The following CENPW variants were observed in gnomAD, a reference collection of about 807,000 sequenced individuals.
CENPW encodes the protein centromere protein W.
In CENPW, 3 loss-of-function variants were observed where a neutral mutation model predicts 11.1. The observed-to-expected ratio is 0.27, with a 90% CI of 0.12 to 0.70. The LOEUF (loss-of-function observed/expected upper bound fraction) is 0.70, where lower values mean the gene tolerates loss of function less well. Among genes scored for constraint, CENPW ranks in the 30% least tolerant of loss-of-function variants. The probability of loss-of-function intolerance (pLI) is 0.77; values close to 1 mark genes in which losing one functional copy is unlikely to be tolerated. For synonymous variants in CENPW, 38 were observed against 42.0 expected (o/e 0.91, Z 0.37); for missense variants, 100 against 105.6 (o/e 0.95, Z 0.23).
At chr6:126,374,913 C>T in the CENPW span, among the ~76,000 whole-genome samples, 7 of 152,144 alleles carry the variant, frequency 4.6e-5, no homozygotes, top group Admixed American at 3.9e-4. Flanking sequence ...CATACATTGG[C>T]ATTATTTCTG....
At chr6:126,416,447 G>A in the CENPW span, among the ~76,000 whole-genome samples, 2 of 152,244 alleles carry the variant, frequency 1.3e-5, no homozygotes, top group South Asian at 2.1e-4. Flanking sequence ...CGTAATTAAC[G>A]AGCCAAATGT....
chr6:126,454,428 C>T, the CENPW span, among the ~76,000 whole-genome samples: 2 of 151,240 alleles, frequency 1.3e-5, no homozygotes, highest in Non-Finnish European at 3.0e-5. Flanking sequence ...TGCTCAAAAT[C>T]CTAGAATTAC....
chr6:126,451,031 T>C, the CENPW span, among the ~76,000 whole-genome samples: 1 of 151,032 alleles, frequency 6.6e-6, no homozygotes, highest in African/African-American at 2.4e-5. Flanking sequence ...ATTATACTTA[T>C]GAGTATAAAT....
chr6:126,365,733 C>A, the CENPW span, among the ~76,000 whole-genome samples: 10 of 152,164 alleles, frequency 6.6e-5, no homozygotes, highest in African/African-American at 2.2e-4. Context: ...AAAGAATAAT[C>A]TAAAGCTACT....
the CENPW span, among the ~76,000 whole-genome samples, chr6:126,379,995 T>C: frequency 6.6e-5 from 10 of 152,312 alleles, no homozygotes; most frequent in Non-Finnish European, 1.0e-4. Flanking sequence ...GCTGATAAAT[T>C]GAATCAAGCT....
chr6:126,459,264 TAG>T, the CENPW span, among the ~76,000 whole-genome samples: 5 of 151,438 alleles, frequency 3.3e-5, no homozygotes, highest in East Asian at 3.9e-4. Context: ...GACAATTTGC[TAG>T]AGAGTCTATA....
the CENPW span, among the ~76,000 whole-genome samples, chr6:126,451,502 T>C: frequency 1.3e-5 from 2 of 151,128 alleles, no homozygotes; most frequent in Admixed American, 1.3e-4. Context: ...AACTTCTTAA[T>C]CTCAGAAAGA....
At chr6:126,472,799 A>G in the CENPW span, among the ~76,000 whole-genome samples, 1 of 152,178 alleles carries the variant, frequency 6.6e-6, no homozygotes, top group African/African-American at 2.4e-5. Context: ...ATCCTTGCCA[A>G]CACTTGGTAA....
At chr6:126,451,923 G>A in the CENPW span, among the ~76,000 whole-genome samples, 1 of 151,108 alleles carries the variant, frequency 6.6e-6, no homozygotes, top group Non-Finnish European at 1.5e-5. Flanking sequence ...AGATGCACAT[G>A]TGTGGATCTG....
intron 1 of CENPW, among the ~76,000 whole-genome samples, chr6:126,342,223 A>G (rs1780327034): frequency 6.6e-6 from 1 of 152,234 alleles, no homozygotes; most frequent in Non-Finnish European, 1.5e-5. Context: ...TAAAGGGAGC[A>G]GCATTTGTAA....
chr6:126,340,436 A>G, intron 1 of CENPW, 37 bp downstream of exon 1: 1 of 1,614,070 alleles, frequency 6.2e-7, no homozygotes. Context: ...GGAATGGGGC[A>G]CGGGAGAGGT....
At chr6:126,458,226 G>C in the CENPW span, among the ~76,000 whole-genome samples, 1 of 151,176 alleles carries the variant, frequency 6.6e-6, no homozygotes, top group African/African-American at 2.4e-5. Context: ...AGCTGAATGT[G>C]GCTGGATAAA....
downstream of CENPW, among the ~76,000 whole-genome samples, chr6:126,350,577 T>G (rs2035752690): frequency 1.3e-5 from 2 of 152,162 alleles, no homozygotes; most frequent in African/African-American, 4.8e-5. Flanking sequence ...GACACAAACA[T>G]TTAGTCCATA....
the CENPW span, among the ~76,000 whole-genome samples, chr6:126,361,456 T>A: frequency 6.6e-6 from 1 of 152,128 alleles, no homozygotes; most frequent in East Asian, 1.9e-4. Flanking sequence ...CTACCACGCC[T>A]GGCTCATTTT....
the CENPW span, among the ~76,000 whole-genome samples, chr6:126,448,389 T>C: frequency 6.6e-6 from 1 of 151,104 alleles, no homozygotes. Context: ...TCAAAAGTAC[T>C]GGCCTGATAA....
the CENPW span, among the ~76,000 whole-genome samples, chr6:126,365,549 C>T: frequency 1.2e-4 from 18 of 152,050 alleles, no homozygotes; most frequent in Non-Finnish European, 7.4e-5. Context: ...GGGGGAAGTC[C>T]GCCCCTCTGA....
the CENPW span, among the ~76,000 whole-genome samples, chr6:126,379,161 C>T: frequency 6.6e-6 from 1 of 152,080 alleles, no homozygotes; most frequent in Non-Finnish European, 1.5e-5. Flanking sequence ...AGGTAGAACA[C>T]CCACCTTGGA....
At chr6:126,415,421 A>G in the CENPW span, among the ~76,000 whole-genome samples, 1 of 152,316 alleles carries the variant, frequency 6.6e-6, no homozygotes, top group African/African-American at 2.4e-5. Flanking sequence ...AATAAAAATT[A>G]AATATATCAT....
chr6:126,433,412 TAAG>T, the CENPW span, among the ~76,000 whole-genome samples: 3 of 152,176 alleles, frequency 2.0e-5, no homozygotes, highest in Admixed American at 1.3e-4. Context: ...AGTGACTGTG[TAAG>T]AAGAAGATAA....
Sources: allele counts gnomAD v4.1 joint callset (sites outside exome capture counted in the v4.1 genomes callset), GRCh38; gene constraint gnomAD v4.1.1; transcripts MANE v1.5; gene names NCBI Gene and HGNC (gene_info 2026-07-23, HGNC 2026-07-21).